Variants in ZYG11A observed in about 807,000 individuals in gnomAD.
ZYG11A encodes the protein zyg-11 family member A, cell cycle regulator.
Under a neutral mutation model 77.2 loss-of-function variants are expected in ZYG11A, and 62 were observed. That is an observed-to-expected ratio of 0.80 (90% CI 0.65 to 0.99). The LOEUF (loss-of-function observed/expected upper bound fraction) is 0.99, where lower values mean the gene tolerates loss of function less well. Ranked by LOEUF, ZYG11A falls within the 50% of genes least tolerant of loss-of-function variation. The pLI, the probability that ZYG11A is intolerant of heterozygous loss-of-function variation, is 0.00. For synonymous variants in ZYG11A, 315 were observed against 324.6 expected (o/e 0.97, Z 0.32); for missense variants, 828 against 896.8 (o/e 0.92, Z 0.98).
intron 8 of ZYG11A, among the ~76,000 whole-genome samples, chr1:52,876,901 G>C (rs1464715937): frequency 6.6e-6 from 1 of 152,168 alleles, no homozygotes; most frequent in Non-Finnish European, 1.5e-5. Context: ...ATGACAGTCT[G>C]ATATTGAAAG....
At chr1:52,849,752 G>T (rs553853393) in intron 1 of ZYG11A, among the ~76,000 whole-genome samples, 1 of 149,838 alleles carries the variant, frequency 6.7e-6, no homozygotes, top group East Asian at 2.0e-4. Flanking sequence ...GCGCGATCTC[G>T]GCTCACTGCC....
rs557255933 is a variant in ZYG11A, at chr1:52,885,813, C to G, written c.1945-20C>G. 1.9e-5 allele frequency: 29 copies of G among 1,512,062 alleles called. No homozygotes were observed. Among genetic ancestry groups the G allele is most frequent in the Non-Finnish European group, 2.0e-5 (23 of 1,128,590 alleles). 93.7% of individuals were successfully genotyped at this position (1,512,062 alleles called of 1,614,324 possible). On this transcript the variant is annotated intron_variant, in intron 11 of 13. Coordinates refer to ENST00000371528, the MANE Select transcript of ZYG11A (RefSeq NM_001004339.3). ...ATGGATTATTCAAATGTTGGTTTCT[C>G]TCTCTTGTTTTTGGAGTAGCATGCA...
Position 52,859,834 on chromosome 1 carries a change from C to T in ZYG11A, c.1009-897C>T, listed in dbSNP as rs147566779. Among the ~76,000 whole-genome samples, 806 of 151,928 alleles carry T rather than the reference C, an allele frequency of 5.3e-3. 7 individuals are homozygous for T. Among genetic ancestry groups the T allele is most frequent in the African/African-American group, 0.019 (779 of 41,446 alleles). On this transcript the variant is annotated intron_variant, in intron 3 of 13. Coordinates refer to ENST00000371528, the MANE Select transcript of ZYG11A (RefSeq NM_001004339.3). ...CTGGGACTATAGGCGTGCACCACCA[C>T]GCCCATCTAATTTTTGTACTTTTAG... is the stretch of plus-strand genomic sequence containing the variant.
chr1:52,860,268 G>A (rs538955396), intron 3 of ZYG11A, among the ~76,000 whole-genome samples: 2 of 152,036 alleles, frequency 1.3e-5, no homozygotes, highest in South Asian at 2.1e-4. Context: ...GGCTGGTCTC[G>A]TAGTCCTGGG....
chr1:52,861,467 C>G (rs529909584), intron 4 of ZYG11A, among the ~76,000 whole-genome samples: 1 of 152,200 alleles, frequency 6.6e-6, no homozygotes, highest in East Asian at 1.9e-4. Context: ...CTTTGGGAGG[C>G]CGAAGCGGGT....
At chr1:52,851,598 A>G (rs1156287962) in intron 1 of ZYG11A, among the ~76,000 whole-genome samples, 1 of 151,408 alleles carries the variant, frequency 6.6e-6, no homozygotes, top group African/African-American at 2.4e-5. Flanking sequence ...CAGGGTTTCA[A>G]CATGTTGGCC....
In ZYG11A at chr1:52,861,786, T is replaced by C. The variant is rs1645932191; in HGVS notation, c.1149+915T>C. On this transcript the variant is annotated intron_variant, in intron 4 of 13. Transcript: ENST00000371528. The stretch of plus-strand genomic sequence containing the variant: ...AAAACTCTGGGTCAGCTGTGGTGGC[T>C]CATGCCTGTAATCCCACCACTTTGG... 2.0e-5 allele frequency among the ~76,000 whole-genome samples: 3 copies of C among 152,208 alleles called. No homozygotes were observed. The South Asian group carries it at 6.2e-4, about 32-fold the overall frequency.
rs1025136261 is a variant in ZYG11A, at chr1:52,892,912, T to C, written c.2235T>C (p.His745=). 54 of 1,551,718 alleles carry C rather than the reference T, an allele frequency of 3.5e-5. No homozygotes were observed. The highest frequency in any genetic ancestry group is 4.2e-5 in the Non-Finnish European group (48 of 1,147,018). Residue 745 remains histidine (H), a synonymous_variant, in exon 14 of 14, where the codon CAT becomes CAC. Coordinates refer to ENST00000371528, the MANE Select transcript of ZYG11A (RefSeq NM_001004339.3). ...CCATTCTGGATGACTTCAGAATGCA[T>C]TTCATGAATTATCAGAGGCCCACTC... ...AASILDDFRM[H]FMNYQRPTLC...
intron 5 of ZYG11A, among the ~76,000 whole-genome samples, chr1:52,865,205 T>C (rs780778653): frequency 3.5e-4 from 53 of 151,294 alleles, no homozygotes; most frequent in Admixed American, 2.0e-4. Flanking sequence ...CCTCCCAAAG[T>C]GCTGGGATTA....
rs887078168 is a variant in ZYG11A at position 52,856,901 on chromosome 1, G to A, written c.257-97G>A. ...CAGAGCAGTAAATGTTGTCATTATT[G>A]TTATTATTAACATCTGTCTTAATTC... On this transcript the variant is annotated intron_variant, in intron 2 of 13. Coordinates refer to ENST00000371528, the MANE Select transcript of ZYG11A (RefSeq NM_001004339.3). The A allele has an allele frequency of 8.6e-6, 11 of 1,277,280 alleles. No homozygotes were observed. The East Asian group carries it at 1.3e-4, about 15-fold the overall frequency. 79.1% of individuals were successfully genotyped at this position (1,277,280 alleles called of 1,614,324 possible). A position where few individuals can be genotyped will look rare whatever the true frequency, so the allele number is the denominator to read the frequency against.
At chr1:52,887,363 G>C (rs893044749) in intron 13 of ZYG11A, among the ~76,000 whole-genome samples, 2 of 152,106 alleles carry the variant, frequency 1.3e-5, no homozygotes, top group Non-Finnish European at 2.9e-5. Flanking sequence ...GCTATATTTA[G>C]TATGTGCTGT....
Position 52,877,800 on chromosome 1 carries a change from T to C in ZYG11A, c.1661T>C (p.Phe554Ser). The change falls in exon 9 of 14, where the codon TTC becomes TCC. Residue 554 changes from phenylalanine (F) to serine (S), a missense_variant. Coordinates refer to ENST00000371528, the MANE Select transcript of ZYG11A (RefSeq NM_001004339.3). The stretch of plus-strand genomic sequence containing the variant: ...GGGTCTCCAGCTGCCTGCAAGCACT[T>C]CATTGAAAATCAAGGATTGCAAATC... ...TDGSPAACKH[F>S]IENQGLQIFI... 1 of 1,551,682 alleles carries C rather than the reference T, an allele frequency of 6.4e-7. No individual in the cohort carries two copies. Among genetic ancestry groups the C allele is most frequent in the Non-Finnish European group, 8.7e-7 (1 of 1,146,978 alleles).
intron 8 of ZYG11A, among the ~76,000 whole-genome samples, chr1:52,876,924 C>T (rs1045051947): frequency 4.6e-5 from 7 of 152,178 alleles, no homozygotes; most frequent in African/African-American, 1.4e-4. Context: ...ACCATAAATA[C>T]TAGCTTGACT....
chr1:52,853,162 T>A (rs928675311), intron 1 of ZYG11A, among the ~76,000 whole-genome samples: 2 of 152,250 alleles, frequency 1.3e-5, no homozygotes, highest in African/African-American at 4.8e-5. Context: ...TGTGGCTGAC[T>A]GGGAGCTGCA....
rs1055297423 is a variant in ZYG11A at position 52,857,603 on chromosome 1, G to A, written c.862G>A (p.Val288Met). 3.2e-6 allele frequency: 5 copies of A among 1,551,876 alleles called. No individual in the cohort carries two copies. The African/African-American group carries it at 6.8e-5, about 21-fold the overall frequency. The change falls in exon 3 of 14, where the codon GTG becomes ATG. Residue 288 changes from valine (V) to methionine (M), a missense_variant. Physicochemically the swap from Val to Met is conservative, Grantham distance 21 (BLOSUM62 1). Transcript: ENST00000371528. The part of the protein sequence containing the change: ...LQQKDILPNV[V>M]SLDISGGNCI... The stretch of plus-strand genomic sequence containing the variant: ...GCAGAAGGATATCCTGCCCAATGTT[G>A]TGTCATTGGATATTTCTGGGGGCAA...
intron 8 of ZYG11A, among the ~76,000 whole-genome samples, chr1:52,873,519 A>T (rs1646206725): frequency 1.3e-5 from 2 of 152,194 alleles, no homozygotes; most frequent in Admixed American, 1.3e-4. Context: ...TAAAACTTTA[A>T]CACATGAAGA....
At chr1:52,852,927 G>A (rs545410446) in intron 1 of ZYG11A, among the ~76,000 whole-genome samples, 1 of 152,044 alleles carries the variant, frequency 6.6e-6, no homozygotes, top group Non-Finnish European at 1.5e-5. Flanking sequence ...GAAAAACAGT[G>A]GTCATATGTG....
chr1:52,877,364 T>A (rs1264292130), intron 8 of ZYG11A, among the ~76,000 whole-genome samples: 1 of 152,202 alleles, frequency 6.6e-6, no homozygotes, highest in African/African-American at 2.4e-5. Context: ...TTCTTTCTTT[T>A]GTACTTGGCT....
At chr1:52,866,062 C>T (rs181928204) in intron 5 of ZYG11A, among the ~76,000 whole-genome samples, 2,364 of 151,580 alleles carry the variant, frequency 0.016, 37 homozygotes, top group African/African-American at 0.053. Context: ...CTCAGCCTCC[C>T]GAGTAGCTGG....
Sources: gnomAD v4.1 joint callset for allele counts (sites outside exome capture counted in the v4.1 genomes callset) on GRCh38, gnomAD v4.1.1 for gene constraint, MANE v1.5 for transcripts, NCBI Gene and HGNC (gene_info 2026-07-23, HGNC 2026-07-21) for gene names.